Variants in TYW1 observed in about 807,000 individuals in gnomAD.
The protein encoded by TYW1 is tRNA-yW synthesizing protein 1 homolog.
TYW1 carries 46 observed loss-of-function variants against 96.2 expected under a neutral mutation model. That is an observed-to-expected ratio of 0.48 (90% CI 0.38 to 0.61). The LOEUF (loss-of-function observed/expected upper bound fraction) is 0.61. Among genes scored for constraint, TYW1 ranks in the 20% least tolerant of loss-of-function variants. The probability of loss-of-function intolerance (pLI) is 0.00; values close to 1 mark genes in which losing one functional copy is unlikely to be tolerated. For synonymous variants in TYW1, 274 were observed against 323.0 expected, an observed-to-expected ratio of 0.85 and a Z score of 1.63; for missense variants, 684 against 909.6, an observed-to-expected ratio of 0.75 and a Z score of 3.19.
intron 7 of TYW1, among the ~76,000 whole-genome samples, chr7:67,031,275 A>G (rs1414075824): frequency 3.8e-5 from 5 of 130,460 alleles, no homozygotes; most frequent in African/African-American, 8.8e-5. Context: ...GATACTAACT[A>G]TGTAAGGCAT....
chr7:67,105,192 G>A (rs1294327223), intron 12 of TYW1, among the ~76,000 whole-genome samples: 1 of 152,246 alleles, frequency 6.6e-6, no homozygotes, highest in African/African-American at 2.4e-5. Flanking sequence ...AAGTCAATGA[G>A]AAGGCACTCA....
At chr7:67,008,750 C>A (rs1382643584) in intron 3 of TYW1, among the ~76,000 whole-genome samples, 1 of 152,150 alleles carries the variant, frequency 6.6e-6, no homozygotes, top group Admixed American at 6.6e-5. Flanking sequence ...GCAACCTCCG[C>A]CTCCTGGATT....
chr7:67,060,643 A>G (rs1041565875), intron 9 of TYW1, among the ~76,000 whole-genome samples: 1 of 152,218 alleles, frequency 6.6e-6, no homozygotes. Context: ...AATCGATACA[A>G]AAGTATTTCT....
rs559673875 is a variant in TYW1, at chr7:67,103,061, A to C, written c.1562+4343A>C. 1.2e-4 allele frequency among the ~76,000 whole-genome samples: 19 copies of C among 152,326 alleles called. No individual in the cohort carries two copies. In the South Asian group the frequency reaches 2.9e-3, roughly 23 times the overall value. On this transcript the variant is annotated intron_variant, in intron 12 of 15. Transcript: ENST00000359626. ...TTTTTAGGGTATGTCCTTCCCTGGAACAAGACAGAATATGTAGAAAGTAGC... is the reference window on the plus strand; with the variant it reads ...TTTTTAGGGTATGTCCTTCCCTGGACCAAGACAGAATATGTAGAAAGTAGC...
intron 14 of TYW1, among the ~76,000 whole-genome samples, chr7:67,194,187 C>T (rs1800313595): frequency 6.6e-6 from 1 of 151,950 alleles, no homozygotes; most frequent in Non-Finnish European, 1.5e-5. Context: ...TGCAGTTGTA[C>T]TTAAGAATTT....
intron 13 of TYW1, among the ~76,000 whole-genome samples, chr7:67,163,125 C>T (rs1389177872): frequency 1.3e-5 from 2 of 152,136 alleles, no homozygotes; most frequent in Non-Finnish European, 2.9e-5. Flanking sequence ...CTTCTCAGGG[C>T]ACATATCATT....
In TYW1 at chr7:67,067,079, A is replaced by G. The variant is rs188953851; in HGVS notation, c.1156-206A>G. On this transcript the variant is annotated intron_variant, in intron 9 of 15. Coordinates refer to ENST00000359626, the MANE Select transcript of TYW1 (RefSeq NM_018264.4). Reference sequence around the variant, plus strand: ...AGAGTTTTCAGAGTTAATGAATCATAGGTTTATTTCACTGGGCTTTAGTAA... The same window carrying G: ...AGAGTTTTCAGAGTTAATGAATCATGGGTTTATTTCACTGGGCTTTAGTAA... 2.6e-5 allele frequency: 15 copies of G among 582,448 alleles called. No individual in the cohort carries two copies. In the Admixed American group the frequency reaches 3.9e-4, roughly 15 times the overall value. The allele number at this position is 582,448 out of a possible 1,614,324, so 36.1% of individuals were successfully genotyped here. A position where few individuals can be genotyped will look rare whatever the true frequency, so the allele number is the denominator to read the frequency against.
At position 66,999,026 on chromosome 7, in the gene TYW1, T is replaced by C. The variant is rs1056347513; in HGVS notation, c.273+72T>C. The C allele has an allele frequency of 1.2e-5, 18 of 1,529,634 alleles. No homozygotes were observed. The African/African-American group carries it at 1.6e-4, about 14-fold the overall frequency. The allele number at this position is 1,529,634 out of a possible 1,614,324, so 94.8% of individuals were successfully genotyped here. On this transcript the variant is annotated intron_variant, in intron 3 of 15. Transcript: ENST00000359626. ...AGAAAATCCCTTTAGCAGTGAACTT[T>C]AGCAGTGAACTGTCCTTTAGCAGTG... is the stretch of plus-strand genomic sequence containing the variant.
intron 13 of TYW1, among the ~76,000 whole-genome samples, chr7:67,149,723 T>A (rs867045495): frequency 2.5e-4 from 4 of 15,916 alleles, no homozygotes; most frequent in African/African-American, 6.4e-4. Flanking sequence ...GGAAAAAAAA[T>A]ATCTATCTAT....
At chr7:67,010,408 T>G (rs915551960) in intron 4 of TYW1, among the ~76,000 whole-genome samples, 1 of 151,990 alleles carries the variant, frequency 6.6e-6, no homozygotes, top group Non-Finnish European at 1.5e-5. Context: ...CAAGTGATCC[T>G]CCTTCCTCAG....
chr7:67,142,361 C>T (rs1346365474), intron 13 of TYW1, among the ~76,000 whole-genome samples: 1 of 152,124 alleles, frequency 6.6e-6, no homozygotes, highest in Non-Finnish European at 1.5e-5. Context: ...ACCTTGGCCT[C>T]CCGAGGCACT....
intron 13 of TYW1, among the ~76,000 whole-genome samples, chr7:67,135,983 A>G (rs1798242583): frequency 6.6e-6 from 1 of 152,244 alleles, no homozygotes; most frequent in Non-Finnish European, 1.5e-5. Flanking sequence ...AATCCTGAGT[A>G]TGTATCATCT....
At chr7:67,217,737 G>T (rs1801245333) in intron 15 of TYW1, among the ~76,000 whole-genome samples, 1 of 151,612 alleles carries the variant, frequency 6.6e-6, no homozygotes, top group African/African-American at 2.4e-5. Flanking sequence ...AGGGTCCCAT[G>T]AGAATCCATA....
At chr7:67,107,586 A>G (rs1301723465) in intron 12 of TYW1, among the ~76,000 whole-genome samples, 2 of 152,182 alleles carry the variant, frequency 1.3e-5, no homozygotes, top group Non-Finnish European at 2.9e-5. Context: ...AATGATAATA[A>G]TAATAATGAC....
intron 13 of TYW1, among the ~76,000 whole-genome samples, chr7:67,168,661 T>TA (rs1223774351): frequency 6.6e-6 from 1 of 152,156 alleles, no homozygotes; most frequent in East Asian, 1.9e-4. Context: ...TAAGCCCAAA[T>TA]AGTACCTCAT....
intron 11 of TYW1, among the ~76,000 whole-genome samples, chr7:67,085,673 A>G (rs1796526775): frequency 6.6e-6 from 1 of 152,190 alleles, no homozygotes; most frequent in Non-Finnish European, 1.5e-5. Context: ...TTTATAAAAG[A>G]TAATTATTCA....
intron 6 of TYW1, 40 bp downstream of exon 6, chr7:67,018,183 T>A: frequency 6.3e-7 from 1 of 1,589,474 alleles, no homozygotes; most frequent in Non-Finnish European, 8.6e-7. Context: ...GCTTTCCTCT[T>A]CTGCTTGGAG....
At chr7:67,048,325 G>T (rs1324655550) in intron 7 of TYW1, among the ~76,000 whole-genome samples, 1 of 150,936 alleles carries the variant, frequency 6.6e-6, no homozygotes. Flanking sequence ...CTGGGGGCTG[G>T]ATGGCTGGAC....
At chr7:67,032,898 T>G (rs1794715285) in intron 7 of TYW1, among the ~76,000 whole-genome samples, 2 of 128,094 alleles carry the variant, frequency 1.6e-5, no homozygotes, top group East Asian at 2.2e-4. Flanking sequence ...TTTTTTTTTT[T>G]TTTTTTTTTT....
Sources: gnomAD v4.1 joint callset for allele counts (sites outside exome capture counted in the v4.1 genomes callset) on GRCh38, gnomAD v4.1.1 for gene constraint, MANE v1.5 for transcripts, NCBI Gene and HGNC (gene_info 2026-07-23, HGNC 2026-07-21) for gene names.